AFG2A: variants seen among roughly 807,000 people sequenced by gnomAD.
The protein encoded by AFG2A is AAA ATPase AFG2A.
chr4:123,262,371 A>C, the AFG2A span, among the ~76,000 whole-genome samples: 1 of 152,230 alleles, frequency 6.6e-6, no homozygotes, highest in African/African-American at 2.4e-5. Context: ...TAGCGAAAGA[A>C]CTAAAGTCAA....
chr4:123,164,355 ATATTTTTTGTTT>A, the AFG2A span, among the ~76,000 whole-genome samples: 76,176 of 151,298 alleles, frequency 0.5, 23,245 homozygotes, highest in Non-Finnish European at 0.67. Context: ...GTATTATTGG[ATATTTTTTGTTT>A]TATTTTTTGT....
chr4:122,981,448 G>A, the AFG2A span, among the ~76,000 whole-genome samples: 1 of 137,746 alleles, frequency 7.3e-6, no homozygotes, highest in African/African-American at 2.7e-5. Context: ...AAATCAGATA[G>A]TGTGATGCCT....
chr4:123,289,973 C>T, the AFG2A span, among the ~76,000 whole-genome samples: 18 of 152,022 alleles, frequency 1.2e-4, no homozygotes, highest in Non-Finnish European at 2.2e-4. Flanking sequence ...AGTATTAAAC[C>T]CAGTATGCAT....
the AFG2A span, among the ~76,000 whole-genome samples, chr4:123,113,501 A>T: frequency 1.4e-5 from 2 of 138,962 alleles, no homozygotes; most frequent in African/African-American, 6.1e-5. Flanking sequence ...GTTAATATTA[A>T]AAAAAAAAAT....
the AFG2A span, among the ~76,000 whole-genome samples, chr4:123,085,743 T>C: frequency 6.6e-6 from 1 of 152,100 alleles, no homozygotes; most frequent in African/African-American, 2.4e-5. Flanking sequence ...TATTTGTTAC[T>C]GTTTTCTATT....
the AFG2A span, among the ~76,000 whole-genome samples, chr4:122,964,932 C>T: frequency 6.6e-6 from 1 of 152,220 alleles, no homozygotes; most frequent in South Asian, 2.1e-4. Context: ...ATACTTAATA[C>T]AGAGTTGAGG....
chr4:123,306,407 G>GCC, the AFG2A span, among the ~76,000 whole-genome samples: 1 of 152,126 alleles, frequency 6.6e-6, no homozygotes, highest in Non-Finnish European at 1.5e-5. Flanking sequence ...TGAAACAAAG[G>GCC]CATGTCTTCG....
the AFG2A span, among the ~76,000 whole-genome samples, chr4:123,109,115 G>T: frequency 5.8e-4 from 89 of 152,236 alleles, 3 homozygotes; most frequent in Admixed American, 3.9e-3. Context: ...AGATGGAGGA[G>T]GGTAGAGGGA....
the AFG2A span, among the ~76,000 whole-genome samples, chr4:123,193,576 A>G: frequency 2.6e-5 from 4 of 152,262 alleles, no homozygotes; most frequent in Non-Finnish European, 5.9e-5. Context: ...TTAACATTTT[A>G]AAGTATTTAA....
At chr4:123,191,419 C>A in the AFG2A span, among the ~76,000 whole-genome samples, 4 of 151,538 alleles carry the variant, frequency 2.6e-5, no homozygotes, top group Non-Finnish European at 5.9e-5. Context: ...CCTGCTCTAC[C>A]ATGCTATAAG....
chr4:123,028,095 A>T, the AFG2A span: 1 of 1,032,334 alleles, frequency 9.7e-7, no homozygotes, highest in Non-Finnish European at 1.4e-6. Flanking sequence ...TCTTTTTTGC[A>T]GTTCTTCTGT....
At chr4:123,161,768 G>A in the AFG2A span, among the ~76,000 whole-genome samples, 1 of 152,164 alleles carries the variant, frequency 6.6e-6, no homozygotes, top group African/African-American at 2.4e-5. Flanking sequence ...TAGGCCAGGG[G>A]TGCAGGGTTC....
the AFG2A span, among the ~76,000 whole-genome samples, chr4:122,950,386 C>G: frequency 6.7e-6 from 1 of 149,876 alleles, no homozygotes; most frequent in African/African-American, 2.5e-5. Context: ...GTTGCCCAGA[C>G]TGGAGCGCAA....
the AFG2A span, among the ~76,000 whole-genome samples, chr4:123,045,956 C>T: frequency 2.0e-3 from 298 of 151,834 alleles, 1 homozygote; most frequent in Middle Eastern, 0.014. Flanking sequence ...ATTAGCCAGG[C>T]GTGGTGACAT....
At chr4:123,253,354 G>T in the AFG2A span, among the ~76,000 whole-genome samples, 1 of 151,984 alleles carries the variant, frequency 6.6e-6, no homozygotes, top group Non-Finnish European at 1.5e-5. Flanking sequence ...CGTGGTGGTG[G>T]GCGCCTGTAA....
chr4:122,942,734 C>A, the AFG2A span, among the ~76,000 whole-genome samples: 1 of 151,668 alleles, frequency 6.6e-6, no homozygotes, highest in Admixed American at 6.6e-5. Flanking sequence ...GTTAGGGTGT[C>A]AATTTTGGAT....
chr4:123,312,786 C>A, the AFG2A span, among the ~76,000 whole-genome samples: 3 of 152,166 alleles, frequency 2.0e-5, no homozygotes, highest in Admixed American at 6.5e-5. Flanking sequence ...CGTAATTTGA[C>A]AAAGCCATCT....
At chr4:122,927,719 T>G in the AFG2A span, 1 of 1,613,384 alleles carries the variant, frequency 6.2e-7, no homozygotes, top group Non-Finnish European at 8.5e-7. Flanking sequence ...TATGTATAGG[T>G]CGACCAGTGT....
chr4:123,210,312 C>A, the AFG2A span, among the ~76,000 whole-genome samples: 3 of 152,172 alleles, frequency 2.0e-5, no homozygotes, highest in African/African-American at 7.2e-5. Context: ...GTTTCTTGAA[C>A]TTATTGCTCC....
Sources: allele counts gnomAD v4.1 joint callset (sites outside exome capture counted in the v4.1 genomes callset), GRCh38; gene constraint gnomAD v4.1.1; transcripts MANE v1.5; gene names NCBI Gene and HGNC (gene_info 2026-07-23, HGNC 2026-07-21).